SPTLC3: variants seen among roughly 807,000 people sequenced by gnomAD.
SPTLC3 encodes serine palmitoyltransferase long chain base subunit 3.
In SPTLC3, 36 loss-of-function variants were observed where a neutral mutation model predicts 59.3. The observed-to-expected ratio is 0.61, with a 90% CI of 0.47 to 0.80. The LOEUF (loss-of-function observed/expected upper bound fraction) is 0.80. Ranked by LOEUF, SPTLC3 falls within the 30% of genes least tolerant of loss-of-function variation. The probability of loss-of-function intolerance (pLI) is 0.00; values close to 1 mark genes in which losing one functional copy is unlikely to be tolerated. For missense variants in SPTLC3, 625 were observed against 685.1 expected (o/e 0.91, Z 0.98); for synonymous variants, 257 against 240.8 (o/e 1.07, Z -0.62).
intron 9 of SPTLC3, among the ~76,000 whole-genome samples, chr20:13,127,857 A>T (rs1047001110): frequency 1.3e-5 from 2 of 152,028 alleles, no homozygotes; most frequent in African/African-American, 4.8e-5. Flanking sequence ...CGGTGTTATG[A>T]CTCTGCATCC....
rs973849350 is a variant in SPTLC3, at chr20:13,166,898, G to A, written c.*2031G>A. On this transcript the variant is annotated 3_prime_UTR_variant, in exon 12 of 12. Transcript: ENST00000399002. ...GGATATTGGGTCTAATTCATTGTGG[G>A]AAACTACTTACCTACCCAGCATGGA... 6.6e-6 allele frequency: 1 copy of A among 152,182 alleles called. No individual in the cohort carries two copies. The highest frequency in any genetic ancestry group is 1.5e-5 in the Non-Finnish European group (1 of 68,032). The allele number at this position is 152,182 out of a possible 1,614,324, so 9.4% of individuals were successfully genotyped here.
chr20:13,078,298 T>C (rs1988719210), intron 4 of SPTLC3, among the ~76,000 whole-genome samples: 1 of 150,480 alleles, frequency 6.6e-6, no homozygotes, highest in African/African-American at 2.4e-5. Context: ...AATCAAGTAA[T>C]TCTATTCAGG....
intron 9 of SPTLC3, among the ~76,000 whole-genome samples, chr20:13,127,395 T>C (rs748507734): frequency 1.8e-4 from 27 of 152,224 alleles, no homozygotes; most frequent in Middle Eastern, 3.2e-3. Context: ...CCAGGCAAAC[T>C]GGTGAGCACA....
intron 2 of SPTLC3, among the ~76,000 whole-genome samples, chr20:13,058,016 A>G (rs1600238360): frequency 6.6e-6 from 1 of 152,206 alleles, no homozygotes; most frequent in African/African-American, 2.4e-5. Flanking sequence ...AATCCGATAT[A>G]ACATGGCACC....
chr20:13,087,143 G>GCAAT (rs1989031342), intron 4 of SPTLC3, among the ~76,000 whole-genome samples: 1 of 152,144 alleles, frequency 6.6e-6, no homozygotes. Context: ...CTTGTAGGGA[G>GCAAT]CAATTTCTCA....
chr20:13,127,389 G>A (rs1012488034), intron 9 of SPTLC3, among the ~76,000 whole-genome samples: 1 of 152,172 alleles, frequency 6.6e-6, no homozygotes, highest in Non-Finnish European at 1.5e-5. Flanking sequence ...TTGCTGCCAG[G>A]CAAACTGGTG....
intron 1 of SPTLC3, among the ~76,000 whole-genome samples, chr20:13,039,572 A>G (rs1355465332): frequency 1.3e-5 from 2 of 152,038 alleles, no homozygotes; most frequent in Non-Finnish European, 2.9e-5. Context: ...CAGTTTGACA[A>G]TCTGTACTTG....
intron 2 of SPTLC3, among the ~76,000 whole-genome samples, chr20:13,058,232 A>T (rs1987805390): frequency 6.6e-6 from 1 of 152,202 alleles, no homozygotes; most frequent in African/African-American, 2.4e-5. Context: ...CACATTTTGC[A>T]TCCTGATACA....
In SPTLC3 at chr20:13,072,305, T is replaced by C. The variant is rs757026042; in HGVS notation, c.353T>C (p.Leu118Pro). Reference sequence around the variant, plus strand: ...TTTGAAAATTTTTATACAAGAAACCTTTACATGCGAATCAGAGACAACTGG... The same window carrying C: ...TTTGAAAATTTTTATACAAGAAACCCTTACATGCGAATCAGAGACAACTGG... ...QDFENFYTRNLYMRIRDNWNR... is the reference protein window; with the variant it reads ...QDFENFYTRNPYMRIRDNWNR... The change falls in exon 3 of 12, where the codon CTT (leucine) becomes CCT (proline). Residue 118 changes from leucine (L) to proline (P), a missense_variant. Leu to Pro is a moderately conservative substitution (Grantham distance 98). Coordinates refer to ENST00000399002, the MANE Select transcript of SPTLC3 (RefSeq NM_018327.4). 5.8e-5 allele frequency: 94 copies of C among 1,613,798 alleles called. No homozygotes were observed. The highest frequency in any genetic ancestry group is 9.3e-6 in the Non-Finnish European group (11 of 1,179,890).
intron 2 of SPTLC3, among the ~76,000 whole-genome samples, chr20:13,068,588 C>G (rs1298701937): frequency 6.6e-6 from 1 of 151,984 alleles, no homozygotes; most frequent in African/African-American, 2.4e-5. Context: ...GAGAAGAGGG[C>G]CACGCCCAAA....
intron 2 of SPTLC3, among the ~76,000 whole-genome samples, chr20:13,054,374 A>G (rs1024718337): frequency 2.0e-5 from 3 of 152,174 alleles, no homozygotes; most frequent in Non-Finnish European, 4.4e-5. Context: ...AATTCTGTCT[A>G]CCCTGTGAGA....
chr20:13,009,416 A>G, intron 1 of SPTLC3, 32 bp downstream of exon 1: 1 of 1,550,296 alleles, frequency 6.5e-7, no homozygotes, highest in Non-Finnish European at 8.9e-7. Flanking sequence ...TCTTCTCTGA[A>G]TTACCTGAAC....
Position 13,165,295 on chromosome 20 carries a change from A to T in SPTLC3, c.*428A>T, listed in dbSNP as rs2038970117. ...TAAGTGAGTGTGGTGGACAGTAGCC[A>T]CCTTCCTTGTTCCACTCATAAAAGC... On this transcript the variant is annotated 3_prime_UTR_variant, in exon 12 of 12. Transcript: ENST00000399002. 6.3e-6 allele frequency: 1 copy of T among 158,924 alleles called. No homozygotes were observed. The highest frequency in any genetic ancestry group is 2.4e-5 in the African/African-American group (1 of 41,520). 9.8% of individuals were successfully genotyped at this position (158,924 alleles called of 1,614,324 possible). A position where few individuals can be genotyped will look rare whatever the true frequency, so the allele number is the denominator to read the frequency against.
chr20:13,140,307 C>G (rs2038350416), intron 9 of SPTLC3, among the ~76,000 whole-genome samples: 1 of 152,080 alleles, frequency 6.6e-6, no homozygotes, highest in Non-Finnish European at 1.5e-5. Flanking sequence ...TTTGAGTGCA[C>G]CCCAGTCACT....
rs746484651 is a variant in SPTLC3, at chr20:13,091,132, G to T, written c.657G>T (p.Leu219=). ...TGGAGGACCTTGTGGCTAAGTTCCT[G>T]AATGTGGAAGCAGCTATGGTCTTTG... The part of the protein sequence containing the change: ...KELEDLVAKF[L]NVEAAMVFGM... The change falls in exon 5 of 12, where the codon CTG becomes CTT. Residue 219 remains leucine, a synonymous_variant. Coordinates refer to ENST00000399002, the MANE Select transcript of SPTLC3 (RefSeq NM_018327.4). 6.2e-7 allele frequency: 1 copy of T among 1,614,040 alleles called. No homozygotes were observed. The highest frequency in any genetic ancestry group is 1.1e-5 in the South Asian group (1 of 91,078).
At chr20:13,052,625 A>C (rs1987544382) in intron 2 of SPTLC3, among the ~76,000 whole-genome samples, 1 of 152,134 alleles carries the variant, frequency 6.6e-6, no homozygotes, top group Non-Finnish European at 1.5e-5. Flanking sequence ...GGAGCCCAGC[A>C]AGCTAAGATC....
In SPTLC3 at chr20:13,072,295, A is replaced by T. The variant is rs2122568957; in HGVS notation, c.343A>T (p.Thr115Ser). The change falls in exon 3 of 12, where the codon ACA becomes TCA. Residue 115 changes from threonine to serine, a missense_variant. Coordinates refer to ENST00000399002, the MANE Select transcript of SPTLC3 (RefSeq NM_018327.4). Reference protein sequence around the residue: ...PLYQDFENFYTRNLYMRIRDN... With the variant: ...PLYQDFENFYSRNLYMRIRDN... The stretch of plus-strand genomic sequence containing the variant: ...GTATCAAGACTTTGAAAATTTTTAT[A>T]CAAGAAACCTTTACATGCGAATCAG... The T allele has an allele frequency of 6.2e-7, 1 of 1,613,896 alleles. No individual in the cohort carries two copies. Among genetic ancestry groups the T allele is most frequent in the East Asian group, 2.2e-5 (1 of 44,880 alleles).
intron 4 of SPTLC3, 101 bp downstream of exon 4, chr20:13,074,598 A>G: frequency 7.6e-7 from 1 of 1,318,690 alleles, no homozygotes; most frequent in Non-Finnish European, 1.0e-6. Flanking sequence ...TCCCTTAAAA[A>G]GGTGTTATAA....
intron 7 of SPTLC3, among the ~76,000 whole-genome samples, chr20:13,115,172 A>AT (rs1226235466): frequency 6.6e-6 from 1 of 152,198 alleles, no homozygotes; most frequent in Non-Finnish European, 1.5e-5. Context: ...AATAACATAG[A>AT]TAGCCTTTTT....
Sources: gnomAD v4.1 joint callset for allele counts (sites outside exome capture counted in the v4.1 genomes callset) on GRCh38, gnomAD v4.1.1 for gene constraint, MANE v1.5 for transcripts, NCBI Gene and HGNC (gene_info 2026-07-23, HGNC 2026-07-21) for gene names.